Variants in PHACTR1 observed in about 807,000 individuals in gnomAD.
PHACTR1 encodes the protein RPEL repeat containing 1.
In PHACTR1, 16 loss-of-function variants were observed where a neutral mutation model predicts 69.2. That is an observed-to-expected ratio of 0.23 (90% CI 0.16 to 0.35). The LOEUF (loss-of-function observed/expected upper bound fraction) is 0.35, where lower values mean the gene tolerates loss of function less well. PHACTR1 is among the 10% of genes least tolerant of loss of function. PHACTR1 has a pLI of 1.00. For synonymous variants in PHACTR1, 312 were observed against 284.5 expected (o/e 1.10, Z -0.97); for missense variants, 510 against 734.7 (o/e 0.69, Z 3.54).
At chr6:12,732,448 T>C (rs528889895) in intron 3 of PHACTR1, among the ~76,000 whole-genome samples, 16 of 152,246 alleles carry the variant, frequency 1.1e-4, no homozygotes, top group African/African-American at 3.9e-4. Flanking sequence ...GCTGCACCTA[T>C]TGACCCATCC....
intron 4 of PHACTR1, among the ~76,000 whole-genome samples, chr6:12,958,267 A>T (rs1792155521): frequency 6.6e-6 from 1 of 152,170 alleles, no homozygotes; most frequent in African/African-American, 2.4e-5. Context: ...ACTGGTGATG[A>T]TTTTCAAAGG....
intron 10 of PHACTR1, among the ~76,000 whole-genome samples, chr6:13,235,011 G>A (rs768169884): frequency 2.6e-5 from 4 of 152,234 alleles, no homozygotes; most frequent in Non-Finnish European, 4.4e-5. Context: ...ATTGTAATGC[G>A]CATGGTGTAT....
chr6:13,191,285 G>C (rs78891791), intron 7 of PHACTR1, among the ~76,000 whole-genome samples: 6,649 of 152,300 alleles, frequency 0.044, 216 homozygotes, highest in Non-Finnish European at 0.065. Flanking sequence ...CTTGGTAACT[G>C]ATAATTTGAA....
chr6:12,726,247 CTTT>C (rs1762779088), intron 3 of PHACTR1, among the ~76,000 whole-genome samples: 1 of 152,032 alleles, frequency 6.6e-6, no homozygotes, highest in Admixed American at 6.5e-5. Context: ...CTGAAAAGGG[CTTT>C]TTGATATAGA....
At chr6:13,136,480 C>G (rs893430612) in intron 5 of PHACTR1, among the ~76,000 whole-genome samples, 8 of 152,222 alleles carry the variant, frequency 5.3e-5, no homozygotes, top group Admixed American at 5.2e-4. Flanking sequence ...GATCTTCTAT[C>G]CAAACTATTT....
intron 7 of PHACTR1, among the ~76,000 whole-genome samples, chr6:13,192,891 C>A (rs1471453708): frequency 6.6e-6 from 1 of 152,176 alleles, no homozygotes; most frequent in Non-Finnish European, 1.5e-5. Flanking sequence ...ATCTTCATAG[C>A]AGGATACTTG....
chr6:13,064,260 G>C (rs1303181438), intron 5 of PHACTR1, among the ~76,000 whole-genome samples: 1 of 151,832 alleles, frequency 6.6e-6, no homozygotes, highest in Non-Finnish European at 1.5e-5. Context: ...AGATATTTAG[G>C]AGACAGAACG....
intron 4 of PHACTR1, among the ~76,000 whole-genome samples, chr6:12,965,610 A>G (rs1793382291): frequency 6.6e-6 from 1 of 152,100 alleles, no homozygotes; most frequent in Non-Finnish European, 1.5e-5. Context: ...CTCAGGCATG[A>G]GTGATAGTGC....
chr6:13,248,547 A>G (rs1485257413), intron 10 of PHACTR1, among the ~76,000 whole-genome samples: 1 of 152,230 alleles, frequency 6.6e-6, no homozygotes, highest in African/African-American at 2.4e-5. Context: ...CTGTTTGGCA[A>G]ATAAACTTGA....
intron 5 of PHACTR1, among the ~76,000 whole-genome samples, chr6:13,107,033 G>T (rs1388604755): frequency 2.6e-5 from 4 of 152,066 alleles, no homozygotes; most frequent in African/African-American, 7.2e-5. Context: ...TCTTTGTTAG[G>T]TTTTGTTATC....
At chr6:12,918,343 G>C (rs1188777755) in intron 4 of PHACTR1, among the ~76,000 whole-genome samples, 1 of 152,188 alleles carries the variant, frequency 6.6e-6, no homozygotes, top group Non-Finnish European at 1.5e-5. Context: ...ACAGTCTAGA[G>C]TTAATTTTTA....
chr6:13,216,359 G>A (rs1159074519), intron 8 of PHACTR1, among the ~76,000 whole-genome samples: 1 of 152,136 alleles, frequency 6.6e-6, no homozygotes, highest in Admixed American at 6.5e-5. Context: ...AATAATTATT[G>A]TATTGGCTTA....
intron 8 of PHACTR1, among the ~76,000 whole-genome samples, chr6:13,218,853 A>AAAGAAGAGAAGAG (rs1768114529): frequency 2.8e-5 from 4 of 142,526 alleles, no homozygotes; most frequent in African/African-American, 1.1e-4. Flanking sequence ...GAGGAGGAGG[A>AAAGAAGAGAAGAG]AAGAGAAGAG....
At chr6:13,160,557 C>T (rs1010550457) in intron 6 of PHACTR1, among the ~76,000 whole-genome samples, 12 of 152,324 alleles carry the variant, frequency 7.9e-5, no homozygotes, top group African/African-American at 2.9e-4. Flanking sequence ...GGGAATGATG[C>T]AGGCACTGGT....
At chr6:13,103,264 G>A (rs1815481904) in intron 5 of PHACTR1, among the ~76,000 whole-genome samples, 1 of 152,314 alleles carries the variant, frequency 6.6e-6, no homozygotes, top group South Asian at 2.1e-4. Context: ...TTATAAATTA[G>A]AGATGAGATG....
At chr6:12,786,347 T>C (rs539646998) in intron 4 of PHACTR1, among the ~76,000 whole-genome samples, 1 of 152,238 alleles carries the variant, frequency 6.6e-6, no homozygotes, top group African/African-American at 2.4e-5. Flanking sequence ...GACTCTTGAA[T>C]AGGAAAATAA....
At chr6:12,905,774 C>T (rs1283248851) in intron 4 of PHACTR1, among the ~76,000 whole-genome samples, 3 of 152,138 alleles carry the variant, frequency 2.0e-5, no homozygotes, top group Non-Finnish European at 4.4e-5. Flanking sequence ...TTTAACTTAT[C>T]AGTTTAAGTC....
intron 4 of PHACTR1, among the ~76,000 whole-genome samples, chr6:12,984,297 T>C (rs1795867146): frequency 1.3e-5 from 2 of 152,234 alleles, no homozygotes; most frequent in Admixed American, 1.3e-4. Context: ...ACCTAACTAG[T>C]CTGGGGCCAT....
At chr6:13,136,555 A>G (rs1361241799) in intron 5 of PHACTR1, among the ~76,000 whole-genome samples, 1 of 152,286 alleles carries the variant, frequency 6.6e-6, no homozygotes, top group African/African-American at 2.4e-5. Flanking sequence ...TCACTGAAGT[A>G]GCACTTTGGC....
Sources: allele counts gnomAD v4.1 joint callset (sites outside exome capture counted in the v4.1 genomes callset), GRCh38; gene constraint gnomAD v4.1.1; transcripts MANE v1.5; gene names NCBI Gene and HGNC (gene_info 2026-07-23, HGNC 2026-07-21).